KCNC1: variants seen among roughly 807,000 people sequenced by gnomAD.
The protein encoded by KCNC1 is voltage-gated potassium channel KCNC1.
In KCNC1, 8 loss-of-function variants were observed where a neutral mutation model predicts 43.4. That is an observed-to-expected ratio of 0.18 (90% CI 0.11 to 0.33). The LOEUF is 0.33. KCNC1 is among the 10% of genes least tolerant of loss of function. The pLI, the probability that KCNC1 is intolerant of heterozygous loss-of-function variation, is 1.00. For missense variants in KCNC1, 420 were observed against 836.0 expected, an observed-to-expected ratio of 0.50 and a Z score of 6.14; for synonymous variants, 361 against 360.5, an observed-to-expected ratio of 1.00 and a Z score of -0.01.
At chr11:17,764,191 T>C (rs1292452942) in intron 1 of KCNC1, among the ~76,000 whole-genome samples, 5 of 131,882 alleles carry the variant, frequency 3.8e-5, no homozygotes. Flanking sequence ...AAACCACACA[T>C]AGCCCCATAG....
chr11:17,738,253 C>G lies in KCNC1; in HGVS notation c.570+1681C>G, dbSNP rs1481761641. 4.6e-5 allele frequency among the ~76,000 whole-genome samples: 7 copies of G among 152,190 alleles called. No individual in the cohort carries two copies. In the East Asian group the frequency reaches 1.4e-3, roughly 29 times the overall value. On this transcript the variant is annotated intron_variant, in intron 1 of 3. Transcript: ENST00000265969. ...GGACTGGGACCCTCAGAGGGCTTCC[C>G]TCCCCTTCCCTTTCCTGACAGAGGC... is the stretch of plus-strand genomic sequence containing the variant.
intron 1 of KCNC1, among the ~76,000 whole-genome samples, chr11:17,763,997 A>T (rs1320230694): frequency 2.0e-5 from 2 of 98,672 alleles, no homozygotes; most frequent in Non-Finnish European, 2.0e-5. Flanking sequence ...CCACACACAG[A>T]CCCCCACACA....
At position 17,777,232 on chromosome 11, in the gene KCNC1, G is replaced by A. The variant is rs1245440058; in HGVS notation, c.1505-2224G>A. 1 of 985,764 alleles carries A rather than the reference G, an allele frequency of 1.0e-6. No homozygotes were observed. Among genetic ancestry groups the A allele is most frequent in the East Asian group, 1.1e-4 (1 of 8,764 alleles). 61.1% of individuals were successfully genotyped at this position (985,764 alleles called of 1,614,324 possible). A position where few individuals can be genotyped will look rare whatever the true frequency, so the allele number is the denominator to read the frequency against. ...CTCAGGCGGCACCATCTCCACAGAG[G>A]CAGAGGCAGAGAGAAGGCACCCCCC... On this transcript the variant is annotated intron_variant, in intron 2 of 3. Coordinates refer to ENST00000265969, the MANE Select transcript of KCNC1 (RefSeq NM_001112741.2). This position sits in a 1 kb window ranked among gnomAD's most constrained non-coding sequence, Gnocchi z 4.3.
chr11:17,774,426 G>A, intron 2 of KCNC1: 3 of 985,544 alleles, frequency 3.0e-6, no homozygotes, highest in Non-Finnish European at 3.6e-6. Context: ...GGTGCCCTGG[G>A]CCAGCCAGTC....
At chr11:17,740,371 A>G (rs1848824074) in intron 1 of KCNC1, among the ~76,000 whole-genome samples, 1 of 152,086 alleles carries the variant, frequency 6.6e-6, no homozygotes, top group African/African-American at 2.4e-5. Context: ...TGAGAATAAG[A>G]ACTGCCCCAG....
Position 17,736,700 on chromosome 11 carries a change from G to A in KCNC1, c.570+128G>A. 7.2e-7 allele frequency: 1 copy of A among 1,388,522 alleles called. No homozygotes were observed. The highest frequency in any genetic ancestry group is 9.4e-7 in the Non-Finnish European group (1 of 1,059,640). The allele number at this position is 1,388,522 out of a possible 1,614,324, so 86.0% of individuals were successfully genotyped here. On this transcript the variant is annotated intron_variant, in intron 1 of 3. Transcript: ENST00000265969. The surrounding 1 kb of genome is among the most constrained non-coding windows in gnomAD (Gnocchi z 9.3). ...GAATCGAAAGGGGGTGTGTGCGCAT[G>A]TGTGCACGTACCAGGGTAAGAGAGG... is the stretch of plus-strand genomic sequence containing the variant.
chr11:17,740,724 C>T (rs2133778784), intron 1 of KCNC1, among the ~76,000 whole-genome samples: 1 of 152,164 alleles, frequency 6.6e-6, no homozygotes, highest in African/African-American at 2.4e-5. Context: ...GCCAATGGCC[C>T]CCAAGCTGGG....
In KCNC1 at chr11:17,736,311, C is replaced by T; in HGVS notation, c.309C>T (p.Pro103=). 6.2e-7 allele frequency: 1 copy of T among 1,613,268 alleles called. No individual in the cohort carries two copies. The change falls in exon 1 of 4, where the codon CCC becomes CCT. Residue 103 remains proline (P), a synonymous_variant. Transcript: ENST00000265969. This position sits in a 1 kb window ranked among gnomAD's most constrained non-coding sequence, Gnocchi z 9.3. ...GCATCGACGAGACCGACGTGGAGCC[C>T]TGCTGCTGGATGACGTACCGCCAGC... ...FWGIDETDVE[P]CCWMTYRQHR... is the part of the protein sequence containing the mutation.
At chr11:17,769,340 G>A (rs1363179739) in intron 1 of KCNC1, among the ~76,000 whole-genome samples, 9 of 151,696 alleles carry the variant, frequency 5.9e-5, no homozygotes. Context: ...TGGAGGGAGG[G>A]ACACAGGAAA....
rs1849349923 is a variant in KCNC1 at position 17,781,893 on chromosome 11, G to A, written c.*159G>A. The stretch of plus-strand genomic sequence containing the variant: ...CTAGGACGGACGTAGCTTTTTCTAC[G>A]GCCAAATGGTAACTGACCGTAGAGG... On this transcript the variant is annotated 3_prime_UTR_variant, in exon 4 of 4. Transcript: ENST00000265969. The surrounding 1 kb of genome is among the most constrained non-coding windows in gnomAD (Gnocchi z 5.1). 2.1e-6 allele frequency: 1 copy of A among 485,764 alleles called. No individual in the cohort carries two copies. 30.1% of individuals were successfully genotyped at this position (485,764 alleles called of 1,614,324 possible).
At chr11:17,762,664 A>G (rs956884490) in intron 1 of KCNC1, among the ~76,000 whole-genome samples, 1 of 152,148 alleles carries the variant, frequency 6.6e-6, no homozygotes, top group Non-Finnish European at 1.5e-5. Context: ...AGGGGCCTGG[A>G]GGGCTGGAGG....
chr11:17,779,557 C>G lies in KCNC1; in HGVS notation c.1606C>G (p.Arg536Gly). The G allele has an allele frequency of 6.4e-7, 1 of 1,551,584 alleles. No homozygotes were observed. The highest frequency in any genetic ancestry group is 2.4e-5 in the East Asian group (1 of 40,898). Residue 536 changes from arginine to glycine, a missense_variant, in exon 3 of 4, where the codon CGC becomes GGC. Physicochemically the swap from Arg to Gly is moderately radical, Grantham distance 125 (BLOSUM62 -2). This residue lies in a region of KCNC1 where 147 missense variants were observed against 176.1 expected (regional missense o/e 0.83). Transcript: ENST00000265969. This position sits in a 1 kb window ranked among gnomAD's most constrained non-coding sequence, Gnocchi z 7.2. ...LTPDEGLPFTRSGTRERYGPC... is the reference protein window; with the variant it reads ...LTPDEGLPFTGSGTRERYGPC... ...TCCCGATGAGGGCCTGCCCTTTACG[C>G]GCTCGGGCACCCGCGAGAGATACGG... is the stretch of plus-strand genomic sequence containing the variant.
chr11:17,774,643 C>G, intron 2 of KCNC1: 1 of 985,590 alleles, frequency 1.0e-6, no homozygotes, highest in African/African-American at 1.7e-5. Context: ...CTCTCCCCAG[C>G]CCTGCTTTTG....
At chr11:17,753,336 C>T (rs1225463640) in intron 1 of KCNC1, among the ~76,000 whole-genome samples, 1 of 152,218 alleles carries the variant, frequency 6.6e-6, no homozygotes, top group Admixed American at 6.5e-5. Context: ...AAGCTGCAGC[C>T]CCTGAGCCCC....
chr11:17,762,184 C>T (rs544145071), intron 1 of KCNC1, among the ~76,000 whole-genome samples: 61 of 152,300 alleles, frequency 4.0e-4, no homozygotes, highest in South Asian at 1.4e-3. Context: ...GGCTCAGCCT[C>T]ACTCACACTG....
intron 1 of KCNC1, among the ~76,000 whole-genome samples, chr11:17,741,973 C>T (rs1262100448): frequency 6.6e-6 from 1 of 152,224 alleles, no homozygotes; most frequent in Non-Finnish European, 1.5e-5. Context: ...GAGAGAAGCT[C>T]TCTGATTTCT....
At chr11:17,772,856 A>C in intron 2 of KCNC1, 1 of 1,330,938 alleles carries the variant, frequency 7.5e-7, no homozygotes, top group Non-Finnish European at 9.6e-7. Context: ...TTCTGAAGAG[A>C]CAACGCGGCC....
At position 17,764,226 on chromosome 11, in the gene KCNC1, A is replaced by G. The variant is rs546953087; in HGVS notation, c.571-7439A>G. Among the ~76,000 whole-genome samples the G allele has an allele frequency of 1.2e-3, 181 of 145,806 alleles. 1 individual carries two copies. The highest frequency in any genetic ancestry group is 4.4e-3 in the African/African-American group (171 of 38,872). On this transcript the variant is annotated intron_variant, in intron 1 of 3. Coordinates refer to ENST00000265969, the MANE Select transcript of KCNC1 (RefSeq NM_001112741.2). ...GACACACACATACACACCACACATC[A>G]CACACCACACATAGTCCCATACACA...
At chr11:17,772,840 G>C (rs1207103208) in intron 2 of KCNC1, 2 of 1,393,954 alleles carry the variant, frequency 1.4e-6, no homozygotes, top group Non-Finnish European at 1.9e-6. Context: ...GGTTGGTCTC[G>C]TGATGTTCTG....
Sources: gnomAD v4.1 joint callset for allele counts (sites outside exome capture counted in the v4.1 genomes callset) on GRCh38, gnomAD v4.1.1 for gene constraint, gnomAD v4.1.1 regional missense constraint, Gnocchi (gnomAD v3.1) non-coding constraint, MANE v1.5 for transcripts, NCBI Gene and HGNC (gene_info 2026-07-23, HGNC 2026-07-21) for gene names.